DIP2C: variants seen among roughly 807,000 people sequenced by gnomAD.
DIP2C encodes DIP2 acetate--CoA ligase C (putative), also known as disco-interacting protein 2 homolog C.
In DIP2C, 33 loss-of-function variants were observed where a neutral mutation model predicts 192.4. That is an observed-to-expected ratio of 0.17 (90% CI 0.13 to 0.23). DIP2C has a LOEUF of 0.23. DIP2C is among the 10% of genes least tolerant of loss of function. The probability of loss-of-function intolerance (pLI) is 1.00; values close to 1 mark genes in which losing one functional copy is unlikely to be tolerated. For synonymous variants in DIP2C, 979 were observed against 864.1 expected (o/e 1.13, Z -2.33); for missense variants, 1,537 against 2,110.1 (o/e 0.73, Z 5.32).
At chr10:676,208 G>T (rs1338948580) in intron 1 of DIP2C, among the ~76,000 whole-genome samples, 3 of 152,152 alleles carry the variant, frequency 2.0e-5, no homozygotes, top group Non-Finnish European at 4.4e-5. Context: ...ATAAAATTCA[G>T]CGCTGCTTCA....
intron 1 of DIP2C, among the ~76,000 whole-genome samples, chr10:576,223 G>A (rs565688668): frequency 6.6e-6 from 1 of 152,326 alleles, no homozygotes; most frequent in African/African-American, 2.4e-5. Context: ...GGACTCCCAG[G>A]CAGCTGCAGA....
intron 1 of DIP2C, among the ~76,000 whole-genome samples, chr10:545,319 A>G (rs1479465391): frequency 1.3e-5 from 2 of 152,028 alleles, no homozygotes; most frequent in Admixed American, 1.3e-4. Context: ...GGCACCTGCC[A>G]CAACGCCCAG....
intron 22 of DIP2C, 128 bp downstream of exon 22, chr10:362,362 G>A (rs1959642496): frequency 2.7e-6 from 3 of 1,098,500 alleles, no homozygotes; most frequent in Non-Finnish European, 3.8e-6. Flanking sequence ...TTTTCTTGGG[G>A]TAACCACTTC....
At chr10:304,723 A>G (rs897366035) in intron 32 of DIP2C, among the ~76,000 whole-genome samples, 4 of 149,670 alleles carry the variant, frequency 2.7e-5, no homozygotes, top group Non-Finnish European at 5.9e-5. Context: ...GCATGCACAC[A>G]CGTACACATG....
At chr10:365,834 C>T (rs555591794) in intron 19 of DIP2C, among the ~76,000 whole-genome samples, 19 of 152,330 alleles carry the variant, frequency 1.2e-4, no homozygotes, top group African/African-American at 4.3e-4. Context: ...TCATACCTGG[C>T]CACATCTAGC....
At chr10:396,825 G>T (rs541435120) in intron 10 of DIP2C, among the ~76,000 whole-genome samples, 1 of 58,050 alleles carries the variant, frequency 1.7e-5, no homozygotes, top group Non-Finnish European at 4.7e-5. Context: ...TGCAAATCCG[G>T]TGGGGGGGGG....
At chr10:585,292 TCA>T (rs1850949515) in intron 1 of DIP2C, among the ~76,000 whole-genome samples, 1 of 152,222 alleles carries the variant, frequency 6.6e-6, no homozygotes, top group Non-Finnish European at 1.5e-5. Context: ...GGCATCGCCC[TCA>T]CAAGCTGGAA....
intron 2 of DIP2C, chr10:484,642 G>C (rs762866098): frequency 8.8e-5 from 109 of 1,233,652 alleles, no homozygotes; most frequent in East Asian, 1.3e-4. Flanking sequence ...CCTGTGGAGC[G>C]ACCTGGCTCA....
intron 2 of DIP2C, among the ~76,000 whole-genome samples, chr10:473,055 A>G (rs181504616): frequency 3.9e-5 from 6 of 152,360 alleles, no homozygotes; most frequent in Admixed American, 3.9e-4. Flanking sequence ...TGCTCATTCC[A>G]GATTACTCTC....
rs1349317952 is a variant in DIP2C at position 327,144 on chromosome 10, G to A, written c.3786C>T (p.Thr1262=). Reference sequence around the variant, plus strand: ...GCCTCTCTTCCGCCACAACCACGCAGGTCCTCACTCGGGACAAGTCCAGCC... The same window carrying A: ...GCCTCTCTTCCGCCACAACCACGCAAGTCCTCACTCGGGACAAGTCCAGCC... ...ARGLDLSRVR[T]CVVVAEERPR... The change falls in exon 31 of 37, where the codon ACC becomes ACT. Residue 1262 remains threonine (T), a synonymous_variant. Coordinates refer to ENST00000280886, the MANE Select transcript of DIP2C (RefSeq NM_014974.3). 5 of 1,614,052 alleles carry A rather than the reference G, an allele frequency of 3.1e-6. No homozygotes were observed. The highest frequency in any genetic ancestry group is 2.2e-5 in the East Asian group (1 of 44,870).
rs147076794 is a variant in DIP2C, at chr10:282,079, C to T, written c.4295-756G>A. ...ACCAGGCCCGACCCTGCTTAGCTTC[C>T]GAGATCAGACGAGATTGGGCGCGTT... On this transcript the variant is annotated intron_variant, in intron 35 of 36. Transcript: ENST00000280886. 3.3e-3 allele frequency: 523 copies of T among 158,008 alleles called. 22 individuals carry two copies. The East Asian group carries it at 0.068, about 21-fold the overall frequency. 9.8% of individuals were successfully genotyped at this position (158,008 alleles called of 1,614,324 possible). A position where few individuals can be genotyped will look rare whatever the true frequency, so the allele number is the denominator to read the frequency against.
chr10:349,278 C>T, intron 25 of DIP2C, 53 bp downstream of exon 25: 2 of 1,578,500 alleles, frequency 1.3e-6, no homozygotes, highest in East Asian at 2.3e-5. Flanking sequence ...CCTCCTCGCA[C>T]CGCGGCTGAC....
intron 1 of DIP2C, among the ~76,000 whole-genome samples, chr10:562,107 C>A (rs1849250741): frequency 6.6e-6 from 1 of 152,214 alleles, no homozygotes; most frequent in South Asian, 2.1e-4. Context: ...TTTTGCTACT[C>A]CAAAGGCTTT....
intron 2 of DIP2C, chr10:484,751 G>T: frequency 6.2e-7 from 1 of 1,605,166 alleles, no homozygotes; most frequent in Non-Finnish European, 8.5e-7. Flanking sequence ...ACCCTGCTGT[G>T]GGGCTGGCTC....
intron 1 of DIP2C, among the ~76,000 whole-genome samples, chr10:614,025 A>G (rs1853275233): frequency 6.6e-6 from 1 of 152,198 alleles, no homozygotes; most frequent in Non-Finnish European, 1.5e-5. Context: ...GCCTGCATTC[A>G]ACGTCCTCCA....
At chr10:663,951 G>C (rs531053046) in intron 1 of DIP2C, 3 of 152,096 alleles carry the variant, frequency 2.0e-5, no homozygotes, top group Non-Finnish European at 4.4e-5. Context: ...GTGGGAGGCA[G>C]GGGTGACGCT....
At chr10:482,669 G>C (rs1843692837) in intron 2 of DIP2C, among the ~76,000 whole-genome samples, 1 of 152,224 alleles carries the variant, frequency 6.6e-6, no homozygotes, top group South Asian at 2.1e-4. Context: ...CTGTATCTGA[G>C]CAAAGAAGGT....
At chr10:635,954 C>T (rs750673852) in intron 1 of DIP2C, among the ~76,000 whole-genome samples, 10 of 152,210 alleles carry the variant, frequency 6.6e-5, no homozygotes, top group Non-Finnish European at 1.3e-4. Context: ...GTCACTCAAA[C>T]CTCTGCCAAG....
chr10:448,725 A>G (rs79631531), intron 3 of DIP2C, among the ~76,000 whole-genome samples: 13,568 of 93,968 alleles, frequency 0.14, 3,023 homozygotes, highest in African/African-American at 0.49. Context: ...CACTCCCATC[A>G]ATACTCATGA....
Sources: gnomAD v4.1 joint callset for allele counts (sites outside exome capture counted in the v4.1 genomes callset) on GRCh38, gnomAD v4.1.1 for gene constraint, MANE v1.5 for transcripts, NCBI Gene and HGNC (gene_info 2026-07-23, HGNC 2026-07-21) for gene names.